EGFR: variants seen among roughly 807,000 people sequenced by gnomAD.
The protein encoded by EGFR is avian erythroblastic leukemia viral (v-erb-b) oncogene homolog.
A neutral mutation model predicts 143.0 loss-of-function variants in EGFR; 58 were observed. The observed-to-expected ratio is 0.41, with a 90% confidence interval of 0.33 to 0.50. The LOEUF (loss-of-function observed/expected upper bound fraction) is 0.50, where lower values mean the gene tolerates loss of function less well. Among genes scored for constraint, EGFR ranks in the 20% least tolerant of loss-of-function variants. The pLI is 0.39. For synonymous variants in EGFR, 613 were observed against 594.4 expected (o/e 1.03, Z -0.45); for missense variants, 1,307 against 1,579.0 (o/e 0.83, Z 2.92).
rs535706550 is a variant in EGFR at position 55,178,629 on chromosome 7, C to T, written c.2284-2664C>T. 3.3e-5 allele frequency among the ~76,000 whole-genome samples: 5 copies of T among 152,322 alleles called. No individual in the cohort carries two copies. The South Asian group carries it at 6.2e-4, about 19-fold the overall frequency. ...GACTACAGTGACCTCAGACAAAATA[C>T]GCTTCCTGGCCCTGTCCAGTTCTGA... On this transcript the variant is annotated intron_variant, in intron 19 of 27. Transcript: ENST00000275493.
intron 22 of EGFR, among the ~76,000 whole-genome samples, chr7:55,196,195 C>CTTTTTTTTTTTTTTTTTTTG (rs1331766673): frequency 1.8e-5 from 1 of 55,374 alleles, no homozygotes; most frequent in Non-Finnish European, 3.4e-5. Context: ...TTTTTTTTTA[C>CTTTTTTTTTTTTTTTTTTTG]TTTTCAATAA....
intron 26 of EGFR, 142 bp downstream of exon 26, chr7:55,201,924 T>C (rs1787867885): frequency 1.0e-6 from 1 of 996,592 alleles, no homozygotes; most frequent in East Asian, 2.5e-5. Flanking sequence ...TGCACGGCTG[T>C]CACGCCTCAC....
At chr7:55,205,157 T>C in intron 27 of EGFR, 99 bp from the exon 28 acceptor site, 1 of 1,543,158 alleles carries the variant, frequency 6.5e-7, no homozygotes, top group Non-Finnish European at 8.7e-7. Flanking sequence ...CTGTCATAAG[T>C]CTCCTTGTTG....
intron 12 of EGFR, 148 bp from the exon 13 acceptor site, chr7:55,161,351 C>A: frequency 8.7e-7 from 1 of 1,146,186 alleles, no homozygotes. Flanking sequence ...GAAGCCCAGT[C>A]TGTGTCCTCC....
intron 3 of EGFR, among the ~76,000 whole-genome samples, chr7:55,146,014 A>G (rs1324893982): frequency 6.6e-6 from 1 of 152,078 alleles, no homozygotes; most frequent in African/African-American, 2.4e-5. Context: ...TGACTTTTCC[A>G]CATCTTGTTA....
At chr7:55,066,552 C>T (rs1280352548) in intron 1 of EGFR, among the ~76,000 whole-genome samples, 1 of 152,226 alleles carries the variant, frequency 6.6e-6, no homozygotes, top group Non-Finnish European at 1.5e-5. Flanking sequence ...AATTATCTTT[C>T]GCACATCACA....
At chr7:55,142,667 T>C (rs940483079) in intron 2 of EGFR, among the ~76,000 whole-genome samples, 7 of 152,242 alleles carry the variant, frequency 4.6e-5, no homozygotes, top group Non-Finnish European at 7.3e-5. Flanking sequence ...CATGTCATCA[T>C]AGACACTGAC....
rs1056971664 is a variant in EGFR at position 55,157,085 on chromosome 7, CTT to C, written c.1207+254_1207+255del. 43 of 865,326 alleles carry C rather than the reference CTT, an allele frequency of 5.0e-5. No homozygotes were observed. In the Admixed American group the frequency reaches 6.0e-4, roughly 12 times the overall value. The allele number at this position is 865,326 out of a possible 1,614,324, so 53.6% of individuals were successfully genotyped here. On this transcript the variant is annotated intron_variant, in intron 10 of 27. Coordinates refer to ENST00000275493, the MANE Select transcript of EGFR (RefSeq NM_005228.5). The stretch of plus-strand genomic sequence containing the variant: ...CTCCCGCCCGGCCCCAGCCAGCTGC[CTT>C]GGTGGCCCATAACCCCTGAGGGTAG...
intron 1 of EGFR, among the ~76,000 whole-genome samples, chr7:55,034,032 T>G (rs779465371): frequency 2.0e-5 from 3 of 152,114 alleles, no homozygotes; most frequent in Non-Finnish European, 4.4e-5. Context: ...AAAGCAGACA[T>G]GGCAATGATG....
intron 1 of EGFR, among the ~76,000 whole-genome samples, chr7:55,095,673 A>T (rs1225883170): frequency 1.3e-5 from 2 of 152,054 alleles, no homozygotes; most frequent in Non-Finnish European, 2.9e-5. Flanking sequence ...CTCACAATAC[A>T]CAGAAATACA....
intron 1 of EGFR, among the ~76,000 whole-genome samples, chr7:55,074,801 T>C (rs896889919): frequency 2.0e-5 from 3 of 152,232 alleles, no homozygotes; most frequent in Admixed American, 6.5e-5. Context: ...AGTTGAAGAA[T>C]AATGCTTAAC....
intron 1 of EGFR, 135 bp from the exon 2 acceptor site, chr7:55,142,151 G>A (rs1794493215): frequency 9.7e-7 from 1 of 1,032,398 alleles, no homozygotes; most frequent in Admixed American, 1.9e-5. Context: ...GATGACCTGG[G>A]CAGGAATGGG....
intron 1 of EGFR, among the ~76,000 whole-genome samples, chr7:55,034,830 A>G (rs996272964): frequency 2.0e-5 from 3 of 152,250 alleles, no homozygotes; most frequent in African/African-American, 7.2e-5. Flanking sequence ...AAGAAACACC[A>G]AACATGGAAA....
intron 1 of EGFR, among the ~76,000 whole-genome samples, chr7:55,067,850 G>A (rs770892801): frequency 3.3e-5 from 5 of 151,272 alleles, no homozygotes; most frequent in African/African-American, 7.4e-5. Flanking sequence ...GCACGTGTGC[G>A]CCTGTGTGTG....
Position 55,165,729 on chromosome 7 carries a change from A to ACCTCGGC in EGFR, c.1880+293_1880+294insCTCGGCC, listed in dbSNP as rs566894099. On this transcript the variant is annotated intron_variant, in intron 15 of 27. Transcript: ENST00000275493. The stretch of plus-strand genomic sequence containing the variant: ...AAGAGCACAGGTCCTGGCAGCTGCC[A>ACCTCGGC]CAGTCTCCAGGGGCTTTTGCGTTTC... Among the ~76,000 whole-genome samples, 1,237 of 152,328 alleles carry ACCTCGGC rather than the reference A, an allele frequency of 8.1e-3. 17 individuals carry two copies. The highest frequency in any genetic ancestry group is 0.028 in the African/African-American group (1,163 of 41,572).
chr7:55,130,793 A>T lies in EGFR; in HGVS notation c.89-11493A>T, dbSNP rs899788145. On this transcript the variant is annotated intron_variant, in intron 1 of 27. Transcript: ENST00000275493. Reference sequence around the variant, plus strand: ...TTCCCTGAAGGGAATTCTCAGCTGTATGTGCCCCGCACAGGATCCCTGCTA... The same window carrying T: ...TTCCCTGAAGGGAATTCTCAGCTGTTTGTGCCCCGCACAGGATCCCTGCTA... 2.6e-5 allele frequency among the ~76,000 whole-genome samples: 4 copies of T among 152,338 alleles called. No homozygotes were observed. In the East Asian group the frequency reaches 7.7e-4, roughly 29 times the overall value.
At chr7:55,147,687 A>T (rs932731154) in intron 4 of EGFR, among the ~76,000 whole-genome samples, 2 of 152,214 alleles carry the variant, frequency 1.3e-5, no homozygotes, top group Admixed American at 6.5e-5. Flanking sequence ...TTATACATCC[A>T]CATGGGTGTG....
intron 1 of EGFR, among the ~76,000 whole-genome samples, chr7:55,045,027 C>T (rs1477786990): frequency 6.6e-6 from 1 of 152,190 alleles, no homozygotes; most frequent in African/African-American, 2.4e-5. Flanking sequence ...AGCCATCCAG[C>T]TGGCATGATC....
At position 55,198,808 on chromosome 7, in the gene EGFR, A is replaced by G. The variant is rs1787728197; in HGVS notation, c.2793A>G (p.Glu931=). The G allele has an allele frequency of 6.2e-7, 1 of 1,614,084 alleles. No homozygotes were observed. The highest frequency in any genetic ancestry group is 8.5e-7 in the Non-Finnish European group (1 of 1,180,036). Reference sequence around the variant, plus strand: ...TCTCCTCCATCCTGGAGAAAGGAGAACGCCTCCCTCAGCCACCCATATGTA... The same window carrying G: ...TCTCCTCCATCCTGGAGAAAGGAGAGCGCCTCCCTCAGCCACCCATATGTA... ...SEISSILEKG[E]RLPQPPICTI... The change falls in exon 23 of 28, where the codon GAA becomes GAG. Residue 931 remains glutamate (E), a synonymous_variant. Coordinates refer to ENST00000275493, the MANE Select transcript of EGFR (RefSeq NM_005228.5).
Sources: allele counts gnomAD v4.1 joint callset (sites outside exome capture counted in the v4.1 genomes callset), GRCh38; gene constraint gnomAD v4.1.1; transcripts MANE v1.5; gene names NCBI Gene and HGNC (gene_info 2026-07-23, HGNC 2026-07-21).